DCAF13: variants seen among roughly 807,000 people sequenced by gnomAD.
DCAF13 encodes the protein DDB1 and CUL4 associated factor 13, also known as DDB1- and CUL4-associated factor 13.
Under a neutral mutation model 59.0 loss-of-function variants are expected in DCAF13, and 38 were observed. The observed-to-expected ratio is 0.64, with a 90% confidence interval of 0.50 to 0.84. DCAF13 has a LOEUF of 0.84. Among genes scored for constraint, DCAF13 ranks in the 40% least tolerant of loss-of-function variants. The probability of loss-of-function intolerance (pLI) is 0.00; values close to 1 mark genes in which losing one functional copy is unlikely to be tolerated. For missense variants in DCAF13, 469 were observed against 558.4 expected, an observed-to-expected ratio of 0.84 and a Z score of 1.61; for synonymous variants, 173 against 175.0, an observed-to-expected ratio of 0.99 and a Z score of 0.09.
intron 3 of DCAF13, among the ~76,000 whole-genome samples, chr8:103,422,449 C>T (rs1384494901): frequency 1.3e-5 from 2 of 152,090 alleles, no homozygotes; most frequent in African/African-American, 4.8e-5. Context: ...GAATGCCCAC[C>T]TCTGGGAAGT....
intron 1 of DCAF13, among the ~76,000 whole-genome samples, chr8:103,417,719 C>G (rs146051371): frequency 6.6e-6 from 1 of 151,446 alleles, no homozygotes; most frequent in Non-Finnish European, 1.5e-5. Flanking sequence ...GGGATCTGCT[C>G]AAAAACTCTG....
At chr8:103,420,534 A>G in intron 2 of DCAF13, 71 bp downstream of exon 2, 1 of 1,472,130 alleles carries the variant, frequency 6.8e-7, no homozygotes, top group Non-Finnish European at 9.2e-7. Context: ...TTTAGTTTTT[A>G]GTTACTGTAG....
chr8:103,430,433 TTACAG>T (rs1816848444), intron 5 of DCAF13, 174 bp from the exon 6 acceptor site: 2 of 451,764 alleles, frequency 4.4e-6, no homozygotes, highest in Non-Finnish European at 8.0e-6. Context: ...CATGAGGATT[TTACAG>T]TGAAAATACT....
intron 8 of DCAF13, 37 bp from the exon 9 acceptor site, chr8:103,440,099 A>G: frequency 3.3e-6 from 5 of 1,501,980 alleles, no homozygotes; most frequent in South Asian, 1.4e-5. Flanking sequence ...ATCTGTACCA[A>G]AATCCAAAGG....
chr8:103,422,898 A>G (rs1157350816), intron 3 of DCAF13, among the ~76,000 whole-genome samples: 2 of 152,208 alleles, frequency 1.3e-5, no homozygotes, highest in African/African-American at 2.4e-5. Flanking sequence ...GATAGCTACA[A>G]TTTGAAAGAT....
intron 8 of DCAF13, among the ~76,000 whole-genome samples, chr8:103,437,494 C>T (rs1795747936): frequency 6.6e-6 from 1 of 152,112 alleles, no homozygotes; most frequent in Admixed American, 6.6e-5. Context: ...TCACATTATT[C>T]CAAAATTGTA....
intron 7 of DCAF13, among the ~76,000 whole-genome samples, chr8:103,433,132 A>G (rs1436595): frequency 0.46 from 69,523 of 151,946 alleles, 15,982 homozygotes; most frequent in African/African-American, 0.49. Context: ...AATGTTTAAC[A>G]TTTGGCCCTT....
At chr8:103,437,357 G>A (rs1406467342) in intron 8 of DCAF13, among the ~76,000 whole-genome samples, 1 of 152,138 alleles carries the variant, frequency 6.6e-6, no homozygotes, top group Non-Finnish European at 1.5e-5. Context: ...ACAAAAGAAT[G>A]AAACGAGAAC....
rs1816711132 is a variant in DCAF13 at position 103,420,721 on chromosome 8, A to G, written c.271-254A>G. On this transcript the variant is annotated intron_variant, in intron 2 of 10. Coordinates refer to ENST00000612750, the MANE Select transcript of DCAF13 (RefSeq NM_015420.7). ...AGTATTTAAGTATGAGTTTTTTCAC[A>G]GATGTTGTCAACACCTAATTTCCTA... is the stretch of plus-strand genomic sequence containing the variant. The G allele has an allele frequency of 8.6e-6, 5 of 579,712 alleles. No individual in the cohort carries two copies. In the South Asian group the frequency reaches 1.2e-4, roughly 13 times the overall value. The allele number at this position is 579,712 out of a possible 1,614,324, so 35.9% of individuals were successfully genotyped here.
chr8:103,430,584 A>G (rs1303539923), intron 5 of DCAF13, 28 bp from the exon 6 acceptor site: 5 of 1,562,532 alleles, frequency 3.2e-6, no homozygotes, highest in Non-Finnish European at 3.5e-6. Context: ...TCTGGCTTTG[A>G]ACTGGTGATT....
At chr8:103,440,347 CT>C (rs1477105530) in intron 9 of DCAF13, 76 bp downstream of exon 9, 3 of 1,336,462 alleles carry the variant, frequency 2.2e-6, no homozygotes, top group Non-Finnish European at 3.0e-6. Flanking sequence ...TGAAAATTTA[CT>C]TTTAGGTATT....
At chr8:103,433,164 T>G (rs1251265480) in intron 7 of DCAF13, among the ~76,000 whole-genome samples, 2 of 152,148 alleles carry the variant, frequency 1.3e-5, no homozygotes, top group Non-Finnish European at 1.5e-5. Context: ...TTGGCTGATG[T>G]TTGATGTAGG....
chr8:103,440,078 G>T lies in DCAF13; in HGVS notation c.951-58G>T, dbSNP rs1178605088. 4 of 1,281,058 alleles carry T rather than the reference G, an allele frequency of 3.1e-6. No homozygotes were observed. In the Admixed American group the frequency reaches 8.2e-5, roughly 26 times the overall value. The allele number at this position is 1,281,058 out of a possible 1,614,324, so 79.4% of individuals were successfully genotyped here. On this transcript the variant is annotated intron_variant, in intron 8 of 10. Coordinates refer to ENST00000612750, the MANE Select transcript of DCAF13 (RefSeq NM_015420.7). Reference sequence around the variant, plus strand: ...AGTATCCTGATACTTAATAGGCAGTGGTTACTCAAAATCTGTACCAAAATC... The same window carrying T: ...AGTATCCTGATACTTAATAGGCAGTTGTTACTCAAAATCTGTACCAAAATC...
intron 1 of DCAF13, among the ~76,000 whole-genome samples, chr8:103,416,134 GAAT>G (rs1297771046): frequency 6.6e-6 from 1 of 152,210 alleles, no homozygotes; most frequent in African/African-American, 2.4e-5. Context: ...TAAATAAAGA[GAAT>G]AACAGGAGCA....
chr8:103,432,346 A>G (rs989828737), intron 6 of DCAF13, among the ~76,000 whole-genome samples: 2 of 152,166 alleles, frequency 1.3e-5, no homozygotes, highest in African/African-American at 4.8e-5. Context: ...TAAGCTCACC[A>G]TTAATTTTGC....
chr8:103,425,922 A>G (rs2130482536), intron 3 of DCAF13, 134 bp from the exon 4 acceptor site: 1 of 642,456 alleles, frequency 1.6e-6, no homozygotes, highest in Admixed American at 2.5e-5. Context: ...ATATAAATGG[A>G]TCAATAAGTG....
In DCAF13 at chr8:103,442,942, C is replaced by A; in HGVS notation, c.*60C>A. On this transcript the variant is annotated 3_prime_UTR_variant, in exon 11 of 11. Transcript: ENST00000612750. ...TGTTACTTTTGATTTGAGAACTCTA[C>A]AAATAAAAGTGCTGGGACTAGATTA... 8.4e-7 allele frequency: 1 copy of A among 1,190,272 alleles called. No individual in the cohort carries two copies. The highest frequency in any genetic ancestry group is 1.2e-6 in the Non-Finnish European group (1 of 834,200). 73.7% of individuals were successfully genotyped at this position (1,190,272 alleles called of 1,614,324 possible).
rs753553226 is a variant in DCAF13 at position 103,440,289 on chromosome 8, CTTTCA to C, written c.1086+21_1086+25del. 1.3e-6 allele frequency: 2 copies of C among 1,544,358 alleles called. No individual in the cohort carries two copies. The highest frequency in any genetic ancestry group is 4.7e-5 in the East Asian group (2 of 42,172). Reference sequence around the variant, plus strand: ...TGGGTGTGGTAAGAGAATTCATTTTCTTTCATTGTCATAAAGCTGATTTCTAATTT... The same window carrying C: ...TGGGTGTGGTAAGAGAATTCATTTTCTTGTCATAAAGCTGATTTCTAATTT... On this transcript the variant is annotated intron_variant, in intron 9 of 10. Transcript: ENST00000612750.
At chr8:103,436,211 C>G (rs922601406) in intron 8 of DCAF13, among the ~76,000 whole-genome samples, 1 of 151,894 alleles carries the variant, frequency 6.6e-6, no homozygotes, top group Non-Finnish European at 1.5e-5. Context: ...TGAGAGGGTA[C>G]CTGAGTTTAA....
Sources: gnomAD v4.1 joint callset for allele counts (sites outside exome capture counted in the v4.1 genomes callset) on GRCh38, gnomAD v4.1.1 for gene constraint, MANE v1.5 for transcripts, NCBI Gene and HGNC (gene_info 2026-07-23, HGNC 2026-07-21) for gene names.